GNGT1: variants seen among roughly 807,000 people sequenced by gnomAD.
GNGT1 encodes the protein guanine nucleotide-binding protein G(T) subunit gamma-T1.
A neutral mutation model predicts 7.4 loss-of-function variants in GNGT1; 4 were observed. The observed-to-expected ratio is 0.54, with a 90% CI of 0.27 to 1.24. The LOEUF is 1.24. Among genes scored for constraint, GNGT1 ranks in the 50% most tolerant of loss-of-function variants. The pLI is 0.12. For synonymous variants in GNGT1, 37 were observed against 30.2 expected (o/e 1.23, Z -0.74); for missense variants, 95 against 82.4 (o/e 1.15, Z -0.59).
rs1794426018 is a variant in GNGT1 at position 93,909,391 on chromosome 7, A to G, written c.97-1399A>G. Reference sequence around the variant, plus strand: ...TGCAATCCTATGTTAAACTACATATATTTATATTAAGCATCACTGAAATAA... The same window carrying G: ...TGCAATCCTATGTTAAACTACATATGTTTATATTAAGCATCACTGAAATAA... On this transcript the variant is annotated intron_variant, in intron 2 of 2. Transcript: ENST00000248572. 2.3e-5 allele frequency: 15 copies of G among 656,206 alleles called. 1 individual carries two copies. The South Asian group carries it at 2.6e-4, about 11-fold the overall frequency. The allele number at this position is 656,206 out of a possible 1,614,324, so 40.6% of individuals were successfully genotyped here.
In GNGT1 at chr7:93,910,772, T is replaced by C. The variant is rs1448001913; in HGVS notation, c.97-18T>C. The C allele has an allele frequency of 3.8e-6, 6 of 1,563,942 alleles. No individual in the cohort carries two copies. The highest frequency in any genetic ancestry group is 1.8e-5 in the Admixed American group (1 of 55,950). On this transcript the variant is annotated intron_variant, in intron 2 of 2. Coordinates refer to ENST00000248572, the MANE Select transcript of GNGT1 (RefSeq NM_021955.5). ...TGTTTTAAACCAAATGAGTCATCCC[T>C]TTTTCCTTCCCCTTAAGGTTTCCAA...
rs772100965 is a variant in GNGT1, at chr7:93,906,837, A to T, written c.91A>T (p.Met31Leu). 1.0e-5 allele frequency: 16 copies of T among 1,570,844 alleles called. No homozygotes were observed. The African/African-American group carries it at 2.2e-4, about 21-fold the overall frequency. The change falls in exon 2 of 3, where the codon ATG (methionine) becomes TTG (leucine). Residue 31 changes from methionine to leucine, a missense_variant. Physicochemically the swap from Met to Leu is conservative, Grantham distance 15. Coordinates refer to ENST00000248572, the MANE Select transcript of GNGT1 (RefSeq NM_021955.5). ...QLKKEVTLER[M>L]LVSKCCEEVR... ...CAAGAAAGAAGTGACACTGGAAAGA[A>T]TGCTAGTAAGTTGCTGCTTTCTTTA...
At chr7:93,908,271 T>C (rs1420461013) in intron 2 of GNGT1, among the ~76,000 whole-genome samples, 1 of 152,122 alleles carries the variant, frequency 6.6e-6, no homozygotes, top group East Asian at 1.9e-4. Flanking sequence ...TAGATACACA[T>C]ACATATACAT....
chr7:93,911,101 A>G lies in GNGT1; in HGVS notation c.*183A>G. ...CCCATCATTCTATGTTTTTCTTAACATAGCTGGCACAGGGTTTAACACATA... is the reference window on the plus strand; with the variant it reads ...CCCATCATTCTATGTTTTTCTTAACGTAGCTGGCACAGGGTTTAACACATA... On this transcript the variant is annotated 3_prime_UTR_variant, in exon 3 of 3. Coordinates refer to ENST00000248572, the MANE Select transcript of GNGT1 (RefSeq NM_021955.5). 5.6e-6 allele frequency: 2 copies of G among 354,742 alleles called. No homozygotes were observed. Among genetic ancestry groups the G allele is most frequent in the Non-Finnish European group, 5.1e-6 (1 of 194,718 alleles). The allele number at this position is 354,742 out of a possible 1,614,324, so 22.0% of individuals were successfully genotyped here.
chr7:93,906,854 C>T lies in GNGT1; in HGVS notation c.96+12C>T. 1 of 1,481,790 alleles carries T rather than the reference C, an allele frequency of 6.7e-7. No individual in the cohort carries two copies. The highest frequency in any genetic ancestry group is 9.3e-7 in the Non-Finnish European group (1 of 1,074,182). 91.8% of individuals were successfully genotyped at this position (1,481,790 alleles called of 1,614,324 possible). A position where few individuals can be genotyped will look rare whatever the true frequency, so the allele number is the denominator to read the frequency against. ...TGGAAAGAATGCTAGTAAGTTGCTG[C>T]TTTCTTTAGTATTTTATTTTAAGCT... On this transcript the variant is annotated intron_variant, in intron 2 of 2. Transcript: ENST00000248572.
At position 93,906,806 on chromosome 7, in the gene GNGT1, C is replaced by T; in HGVS notation, c.60C>T (p.Asp20=). Residue 20 remains aspartate (D), a synonymous_variant, in exon 2 of 3, where the codon GAC becomes GAT. Coordinates refer to ENST00000248572, the MANE Select transcript of GNGT1 (RefSeq NM_021955.5). ...AGGACAAATTGAAGATGGAAGTTGA[C>T]CAGCTCAAGAAAGAAGTGACACTGG... ...TEKDKLKMEV[D]QLKKEVTLER... The T allele has an allele frequency of 6.2e-7, 1 of 1,603,474 alleles. No individual in the cohort carries two copies. Among genetic ancestry groups the T allele is most frequent in the Non-Finnish European group, 8.5e-7 (1 of 1,174,352 alleles).
chr7:93,906,978 A>AC, intron 2 of GNGT1, 136 bp downstream of exon 2: 1 of 445,310 alleles, frequency 2.2e-6, no homozygotes, highest in Non-Finnish European at 3.9e-6. Context: ...AAAGATTAAG[A>AC]AAATTGATAA....
rs1364124890 is a variant in GNGT1 at position 93,911,135 on chromosome 7, T to A, written c.*217T>A. The A allele has an allele frequency of 1.9e-4, 49 of 264,336 alleles. No homozygotes were observed. The East Asian group carries it at 2.5e-3, about 13-fold the overall frequency. The allele number at this position is 264,336 out of a possible 1,614,324, so 16.4% of individuals were successfully genotyped here. Reference sequence around the variant, plus strand: ...ACAGGGTTTAACACATAATTGCCAATAAATATTGCTTAAAGTTCTTTAAAA... The same window carrying A: ...ACAGGGTTTAACACATAATTGCCAAAAAATATTGCTTAAAGTTCTTTAAAA... On this transcript the variant is annotated 3_prime_UTR_variant, in exon 3 of 3. Coordinates refer to ENST00000248572, the MANE Select transcript of GNGT1 (RefSeq NM_021955.5).
chr7:93,906,775 C>A lies in GNGT1; in HGVS notation c.29C>A (p.Thr10Lys). 1 of 1,604,946 alleles carries A rather than the reference C, an allele frequency of 6.2e-7. No homozygotes were observed. The highest frequency in any genetic ancestry group is 8.5e-7 in the Non-Finnish European group (1 of 1,175,216). Residue 10 changes from threonine (T) to lysine (K), a missense_variant, in exon 2 of 3, where the codon ACA becomes AAA. Coordinates refer to ENST00000248572, the MANE Select transcript of GNGT1 (RefSeq NM_021955.5). ...CCAGTAATCAATATTGAGGACCTGA[C>A]AGAAAAGGACAAATTGAAGATGGAA... MPVINIEDL[T>K]EKDKLKMEVD... is the part of the protein sequence containing the mutation.
At chr7:93,908,925 C>T (rs939762327) in intron 2 of GNGT1, among the ~76,000 whole-genome samples, 1 of 151,896 alleles carries the variant, frequency 6.6e-6, no homozygotes, top group Non-Finnish European at 1.5e-5. Context: ...TTCAAAATAG[C>T]GATAGTAATA....
chr7:93,909,595 G>A (rs1219304105), intron 2 of GNGT1: 2 of 660,508 alleles, frequency 3.0e-6, no homozygotes, highest in Non-Finnish European at 5.5e-6. Flanking sequence ...GACTTTTAGA[G>A]AGAGAGTGTG....
intron 2 of GNGT1, chr7:93,910,340 A>G (rs1303932069): frequency 1.3e-5 from 2 of 152,558 alleles, no homozygotes; most frequent in Non-Finnish European, 2.9e-5. Flanking sequence ...AGTGTAAAGA[A>G]AAATTACATG....
rs760023239 is a variant in GNGT1, at chr7:93,909,845, TGA to T, written c.97-944_97-943del. The T allele has an allele frequency of 4.0e-5, 5 of 126,552 alleles. No homozygotes were observed. The South Asian group carries it at 8.9e-4, about 23-fold the overall frequency. 7.8% of individuals were successfully genotyped at this position (126,552 alleles called of 1,614,324 possible). A position where few individuals can be genotyped will look rare whatever the true frequency, so the allele number is the denominator to read the frequency against. ...ATAAAAGCGGACTAAAGATTTCATT[TGA>T]AAAAAAAAAAAACAGTAAATTGGTT... On this transcript the variant is annotated intron_variant, in intron 2 of 2. Coordinates refer to ENST00000248572, the MANE Select transcript of GNGT1 (RefSeq NM_021955.5).
intron 2 of GNGT1, among the ~76,000 whole-genome samples, chr7:93,907,376 A>C (rs978436784): frequency 6.6e-6 from 1 of 152,140 alleles, no homozygotes; most frequent in African/African-American, 2.4e-5. Flanking sequence ...ATATTGCTGC[A>C]ATACTTTAAG....
At chr7:93,909,801 A>G (rs942297112) in intron 2 of GNGT1, 1 of 264,376 alleles carries the variant, frequency 3.8e-6, no homozygotes, top group Non-Finnish European at 7.0e-6. Flanking sequence ...TCTTATATCA[A>G]ATGTTCCTTG....
intron 2 of GNGT1, among the ~76,000 whole-genome samples, chr7:93,908,089 A>G (rs1181416848): frequency 6.6e-6 from 1 of 152,142 alleles, no homozygotes; most frequent in Non-Finnish European, 1.5e-5. Flanking sequence ...CACTTGTGGT[A>G]AGTTCACCTT....
chr7:93,909,332 C>A (rs1432445393), intron 2 of GNGT1: 3 of 501,324 alleles, frequency 6.0e-6, no homozygotes, highest in Admixed American at 6.5e-5. Flanking sequence ...ATTACCTTAA[C>A]TAAGACTAAA....
intron 2 of GNGT1, among the ~76,000 whole-genome samples, 189 bp downstream of exon 2, chr7:93,907,031 G>C (rs1170024359): frequency 1.3e-5 from 2 of 151,936 alleles, no homozygotes; most frequent in Admixed American, 6.6e-5. Flanking sequence ...AATCAAGGAG[G>C]TTGGCAAACC....
chr7:93,906,694 T>C (rs1794378213), intron 1 of GNGT1, 42 bp from the exon 2 acceptor site: 2 of 982,908 alleles, frequency 2.0e-6, no homozygotes, highest in Admixed American at 3.9e-5. Context: ...TTGAAATAAC[T>C]CCAGCAATTC....
Sources: gnomAD v4.1 joint callset for allele counts (sites outside exome capture counted in the v4.1 genomes callset) on GRCh38, gnomAD v4.1.1 for gene constraint, MANE v1.5 for transcripts, NCBI Gene and HGNC (gene_info 2026-07-23, HGNC 2026-07-21) for gene names.